The following LRRIQ3 variants were observed in gnomAD, a reference collection of about 807,000 sequenced individuals.
LRRIQ3 encodes the protein leucine-rich repeat and IQ domain-containing protein 3.
LRRIQ3 carries 75 observed loss-of-function variants against 59.3 expected under a neutral mutation model. The observed-to-expected ratio is 1.26, with a 90% CI of 1.05 to 1.53. The LOEUF (loss-of-function observed/expected upper bound fraction) is 1.53, where lower values mean the gene tolerates loss of function less well. LRRIQ3 is among the 40% of genes most tolerant of loss of function. The pLI, the probability that LRRIQ3 is intolerant of heterozygous loss-of-function variation, is 0.00. For missense variants in LRRIQ3, 831 were observed against 710.0 expected (o/e 1.17, Z -1.94); for synonymous variants, 250 against 231.3 (o/e 1.08, Z -0.73).
rs918668898 is a variant in LRRIQ3 at position 74,044,970 on chromosome 1, T to C, written c.998-3037A>G. Among the ~76,000 whole-genome samples, 30 of 152,112 alleles carry C rather than the reference T, an allele frequency of 2.0e-4. 1 individual carries two copies. The highest frequency in any genetic ancestry group is 7.2e-4 in the Admixed American group (11 of 15,252). ...GTTCTGAAATTGAGGCAGTAATTAA[T>C]AGCCTACCAACCAAAAAAAGTCCAG... On this transcript the variant is annotated intron_variant, in intron 6 of 7. Transcript: ENST00000354431.
chr1:74,047,956 C>T (rs1015008851), intron 6 of LRRIQ3, among the ~76,000 whole-genome samples: 3 of 152,092 alleles, frequency 2.0e-5, no homozygotes, highest in South Asian at 2.1e-4. Flanking sequence ...AGCTCACTTT[C>T]CCTTCTCACT....
intron 5 of LRRIQ3, among the ~76,000 whole-genome samples, chr1:74,106,176 T>C (rs537461218): frequency 2.6e-5 from 4 of 152,148 alleles, no homozygotes; most frequent in Non-Finnish European, 5.9e-5. Flanking sequence ...ATTAGATCAT[T>C]ATCCTAGGAA....
At chr1:74,164,274 T>C (rs1648836297) in intron 3 of LRRIQ3, among the ~76,000 whole-genome samples, 1 of 151,458 alleles carries the variant, frequency 6.6e-6, no homozygotes. Context: ...GTGACTGTAT[T>C]TGGAGATAGA....
chr1:74,091,717 G>A (rs1646396476), intron 5 of LRRIQ3, among the ~76,000 whole-genome samples: 1 of 151,984 alleles, frequency 6.6e-6, no homozygotes. Context: ...TGCTTTAACT[G>A]TCTCAGGCAA....
At chr1:74,028,326 A>G (rs1653582523) in intron 7 of LRRIQ3, among the ~76,000 whole-genome samples, 1 of 152,090 alleles carries the variant, frequency 6.6e-6, no homozygotes, top group Admixed American at 6.6e-5. Flanking sequence ...TTTAGACAAG[A>G]TATTCATGTT....
chr1:74,109,239 A>T (rs1283357984), intron 5 of LRRIQ3, 155 bp downstream of exon 5: 1 of 628,170 alleles, frequency 1.6e-6, no homozygotes, highest in African/African-American at 1.8e-5. Context: ...TTACATTACT[A>T]TATAACTTTT....
chr1:74,194,125 G>C (rs1650942598), intron 1 of LRRIQ3, among the ~76,000 whole-genome samples: 2 of 152,164 alleles, frequency 1.3e-5, no homozygotes, highest in Non-Finnish European at 2.9e-5. Context: ...CCAGAACTTT[G>C]AGAGGCCAAG....
intron 5 of LRRIQ3, 72 bp downstream of exon 5, chr1:74,109,322 A>G: frequency 2.9e-6 from 3 of 1,036,948 alleles, no homozygotes; most frequent in East Asian, 2.7e-5. Context: ...AAGAAATAAT[A>G]GCGCTACCTA....
chr1:74,121,890 A>T (rs1646862781), intron 4 of LRRIQ3, among the ~76,000 whole-genome samples: 1 of 151,818 alleles, frequency 6.6e-6, no homozygotes, highest in South Asian at 2.1e-4. Context: ...AGCTTCATCC[A>T]TGTCCCTACA....
rs142484190 is a variant in LRRIQ3 at position 74,130,584 on chromosome 1, T to G, written c.708-21031A>C. On this transcript the variant is annotated intron_variant, in intron 4 of 7. Transcript: ENST00000354431. The stretch of plus-strand genomic sequence containing the variant: ...AAACCAAATATAGTGATCACTCACT[T>G]GATTTTTGGTTCTTATAAATGTGAT... 3.2e-3 allele frequency among the ~76,000 whole-genome samples: 490 copies of G among 152,232 alleles called. 3 individuals carry two copies. The highest frequency in any genetic ancestry group is 0.011 in the African/African-American group (450 of 41,570).
At chr1:74,120,749 C>CT (rs1269594685) in intron 4 of LRRIQ3, among the ~76,000 whole-genome samples, 1 of 151,876 alleles carries the variant, frequency 6.6e-6, no homozygotes, top group African/African-American at 2.4e-5. Context: ...ATAGCTCAGT[C>CT]TTTTAAAATT....
chr1:74,029,173 G>T (rs974137210), intron 7 of LRRIQ3, among the ~76,000 whole-genome samples: 15 of 152,064 alleles, frequency 9.9e-5, no homozygotes, highest in Admixed American at 9.2e-4. Context: ...GGGACAATTT[G>T]ACTTCCTCTT....
At chr1:74,101,376 T>A (rs2100543147) in intron 5 of LRRIQ3, among the ~76,000 whole-genome samples, 1 of 152,202 alleles carries the variant, frequency 6.6e-6, no homozygotes, top group East Asian at 1.9e-4. Flanking sequence ...CTCACACCAG[T>A]TAGAATGGCC....
rs778546001 is a variant in LRRIQ3 at position 74,074,739 on chromosome 1, C to A, written c.919G>T (p.Val307Leu). 4.2e-6 allele frequency: 6 copies of A among 1,444,712 alleles called. No homozygotes were observed. In the South Asian group the frequency reaches 5.7e-5, roughly 14 times the overall value. The allele number at this position is 1,444,712 out of a possible 1,614,324, so 89.5% of individuals were successfully genotyped here. ...LKNSSEHRKH[V>L]SSILCELKPK... is the part of the protein sequence containing the mutation. Reference sequence around the variant, plus strand: ...TTTAATTCACATAAAATAGATGACACATGTTTTCTGTGTTCACTGGAATTT... The same window carrying A: ...TTTAATTCACATAAAATAGATGACAAATGTTTTCTGTGTTCACTGGAATTT... The change falls in exon 6 of 8, where the codon GTG (valine) becomes TTG (leucine). Residue 307 changes from valine (V) to leucine (L), a missense_variant. Transcript: ENST00000354431.
rs1646184282 is a variant in LRRIQ3 at position 74,074,747 on chromosome 1, C to T, written c.911G>A (p.Arg304Lys). The part of the protein sequence containing the change: ...PVDLKNSSEH[R>K]KHVSSILCEL... ...ACATAAAATAGATGACACATGTTTT[C>T]TGTGTTCACTGGAATTTTTTAAATC... Residue 304 changes from arginine to lysine, a missense_variant, in exon 6 of 8, where the codon AGA becomes AAA. Arg to Lys is a conservative substitution (Grantham distance 26, BLOSUM62 2). Coordinates refer to ENST00000354431, the MANE Select transcript of LRRIQ3 (RefSeq NM_001105659.2). 1.4e-6 allele frequency: 2 copies of T among 1,423,136 alleles called. No individual in the cohort carries two copies. The allele number at this position is 1,423,136 out of a possible 1,614,324, so 88.2% of individuals were successfully genotyped here. A position where few individuals can be genotyped will look rare whatever the true frequency, so the allele number is the denominator to read the frequency against.
intron 3 of LRRIQ3, among the ~76,000 whole-genome samples, chr1:74,172,520 G>GT (rs1649387601): frequency 6.6e-6 from 1 of 152,006 alleles, no homozygotes; most frequent in Non-Finnish European, 1.5e-5. Flanking sequence ...TCTAAAGAAG[G>GT]TTCTGTGTGT....
At chr1:74,126,067 C>A (rs184487417) in intron 4 of LRRIQ3, among the ~76,000 whole-genome samples, 1 of 151,650 alleles carries the variant, frequency 6.6e-6, no homozygotes, top group African/African-American at 2.4e-5. Context: ...GATCGTTTCA[C>A]GGTTCAATCT....
chr1:74,042,327 G>A (rs1654073038), intron 6 of LRRIQ3, among the ~76,000 whole-genome samples: 1 of 152,086 alleles, frequency 6.6e-6, no homozygotes, highest in East Asian at 1.9e-4. Context: ...CTGAGAACCA[G>A]TGAAAATTTA....
chr1:74,175,139 G>A lies in LRRIQ3; in HGVS notation c.573+7399C>T, dbSNP rs562518157. 1.2e-4 allele frequency among the ~76,000 whole-genome samples: 18 copies of A among 152,306 alleles called. No individual in the cohort carries two copies. The South Asian group carries it at 2.3e-3, about 19-fold the overall frequency. Reference sequence around the variant, plus strand: ...TGGCTGGTGAAGCCTGCTGACCAGCGTCTACTGGCTCTGAAGTCAGATGAG... The same window carrying A: ...TGGCTGGTGAAGCCTGCTGACCAGCATCTACTGGCTCTGAAGTCAGATGAG... On this transcript the variant is annotated intron_variant, in intron 3 of 7. Transcript: ENST00000354431.
Sources: allele counts gnomAD v4.1 joint callset (sites outside exome capture counted in the v4.1 genomes callset), GRCh38; gene constraint gnomAD v4.1.1; transcripts MANE v1.5; gene names NCBI Gene and HGNC (gene_info 2026-07-23, HGNC 2026-07-21).